The following EPHA5 variants were observed in gnomAD, a reference collection of about 807,000 sequenced individuals.
EPHA5 encodes ephrin type-A receptor 5.
A neutral mutation model predicts 105.0 loss-of-function variants in EPHA5; 60 were observed. That is an observed-to-expected ratio of 0.57 (90% confidence interval 0.46 to 0.71). The LOEUF (loss-of-function observed/expected upper bound fraction) is 0.71, where lower values mean the gene tolerates loss of function less well. Among genes scored for constraint, EPHA5 ranks in the 30% least tolerant of loss-of-function variants. The pLI is 0.00. For missense variants in EPHA5, 1,218 were observed against 1,274.7 expected (o/e 0.96, Z 0.68); for synonymous variants, 513 against 449.1 (o/e 1.14, Z -1.80).
At chr4:65,618,683 G>A (rs1242117664) in intron 2 of EPHA5, among the ~76,000 whole-genome samples, 1 of 152,088 alleles carries the variant, frequency 6.6e-6, no homozygotes, top group Non-Finnish European at 1.5e-5. Flanking sequence ...GCTGGTTTGT[G>A]TTTTTCTTAT....
chr4:65,656,142 A>C (rs1157485395), intron 1 of EPHA5, among the ~76,000 whole-genome samples: 1 of 151,276 alleles, frequency 6.6e-6, no homozygotes, highest in Non-Finnish European at 1.5e-5. Flanking sequence ...AAAAAAAAAA[A>C]AAAAAAAAAA....
intron 3 of EPHA5, among the ~76,000 whole-genome samples, chr4:65,523,540 A>G (rs1734957885): frequency 6.6e-6 from 1 of 152,038 alleles, no homozygotes; most frequent in Non-Finnish European, 1.5e-5. Context: ...TTGCCACTTG[A>G]TGAAAAACTT....
chr4:65,501,609 A>C (rs1732497104), intron 3 of EPHA5, among the ~76,000 whole-genome samples: 1 of 151,838 alleles, frequency 6.6e-6, no homozygotes, highest in Admixed American at 6.6e-5. Flanking sequence ...CGTAGGTGAC[A>C]CAAACAAATG....
chr4:65,467,099 C>CTT (rs1358934042), intron 5 of EPHA5, among the ~76,000 whole-genome samples: 2 of 152,184 alleles, frequency 1.3e-5, no homozygotes, highest in Non-Finnish European at 2.9e-5. Flanking sequence ...AAACCTGACT[C>CTT]TTTTATTTGT....
At chr4:65,657,898 C>CAAAAAAAAAAAAAAAAAAAAA (rs58539913) in intron 1 of EPHA5, among the ~76,000 whole-genome samples, 1 of 117,474 alleles carries the variant, frequency 8.5e-6, no homozygotes, top group Non-Finnish European at 1.8e-5. Flanking sequence ...TTGGTATATG[C>CAAAAAAAAAAAAAAAAAAAAA]AAAAAAAAAA....
chr4:65,355,420 A>G (rs1723205071), intron 11 of EPHA5, among the ~76,000 whole-genome samples: 1 of 151,644 alleles, frequency 6.6e-6, no homozygotes, highest in Non-Finnish European at 1.5e-5. Flanking sequence ...AATGCTTGCA[A>G]CTTAAACTTT....
chr4:65,598,277 A>T (rs1743376032), intron 3 of EPHA5, among the ~76,000 whole-genome samples: 1 of 152,148 alleles, frequency 6.6e-6, no homozygotes, highest in African/African-American at 2.4e-5. Flanking sequence ...TTGGGCTGAG[A>T]GTCTTAGAAC....
intron 16 of EPHA5, among the ~76,000 whole-genome samples, chr4:65,330,197 G>T (rs1274594751): frequency 4.6e-5 from 7 of 151,366 alleles, no homozygotes; most frequent in Admixed American, 3.3e-4. Flanking sequence ...TGAATTAAAA[G>T]ACAAATGTTT....
intron 3 of EPHA5, among the ~76,000 whole-genome samples, chr4:65,543,629 C>T (rs910046249): frequency 7.3e-5 from 11 of 151,654 alleles, no homozygotes; most frequent in Admixed American, 2.0e-4. Flanking sequence ...ATCAATATCA[C>T]GAAAATGGTC....
chr4:65,437,720 A>G (rs145418786), intron 5 of EPHA5, among the ~76,000 whole-genome samples: 59 of 152,098 alleles, frequency 3.9e-4, no homozygotes, highest in Non-Finnish European at 3.7e-4. Context: ...GCCAAAATGT[A>G]GTAAAAATCA....
chr4:65,398,375 G>T (rs1721463344), intron 8 of EPHA5, among the ~76,000 whole-genome samples: 1 of 152,148 alleles, frequency 6.6e-6, no homozygotes, highest in Admixed American at 6.5e-5. Context: ...TCTGAGAGTG[G>T]CTCAGCATGG....
chr4:65,446,548 A>G (rs1220111855), intron 5 of EPHA5, among the ~76,000 whole-genome samples: 2 of 152,194 alleles, frequency 1.3e-5, no homozygotes, highest in South Asian at 4.1e-4. Context: ...ATAGTGTACT[A>G]TGGGAACACA....
chr4:65,408,001 G>C (rs1722530559), intron 7 of EPHA5, among the ~76,000 whole-genome samples: 1 of 152,044 alleles, frequency 6.6e-6, no homozygotes, highest in Non-Finnish European at 1.5e-5. Flanking sequence ...CTGAGCTCAA[G>C]TGATTCGCCC....
At chr4:65,453,115 C>T (rs920922233) in intron 5 of EPHA5, among the ~76,000 whole-genome samples, 3 of 152,126 alleles carry the variant, frequency 2.0e-5, no homozygotes, top group African/African-American at 7.2e-5. Flanking sequence ...GTAATGTAAG[C>T]TGTTTTTCTC....
At chr4:65,443,244 A>T (rs561724251) in intron 5 of EPHA5, among the ~76,000 whole-genome samples, 1 of 152,112 alleles carries the variant, frequency 6.6e-6, no homozygotes, top group Admixed American at 6.6e-5. Context: ...GTGTATCCAT[A>T]TATAACTTTT....
chr4:65,609,476 A>T (rs1420754422), intron 2 of EPHA5, among the ~76,000 whole-genome samples: 1 of 152,152 alleles, frequency 6.6e-6, no homozygotes, highest in Non-Finnish European at 1.5e-5. Flanking sequence ...CTCAAATTCA[A>T]TTCATAATAC....
intron 16 of EPHA5, among the ~76,000 whole-genome samples, chr4:65,326,704 T>TA (rs1348116753): frequency 5.9e-5 from 9 of 151,368 alleles, no homozygotes; most frequent in Non-Finnish European, 3.0e-5. Flanking sequence ...AACAAAGTTT[T>TA]AAAACATGTG....
At chr4:65,427,430 C>T (rs1008018611) in intron 5 of EPHA5, among the ~76,000 whole-genome samples, 10 of 152,054 alleles carry the variant, frequency 6.6e-5, no homozygotes, top group Non-Finnish European at 1.2e-4. Context: ...ATCCACCTAC[C>T]TCGGCCACCC....
intron 11 of EPHA5, among the ~76,000 whole-genome samples, chr4:65,353,314 C>T (rs1380793403): frequency 1.4e-5 from 2 of 146,346 alleles, no homozygotes; most frequent in African/African-American, 2.5e-5. Context: ...ATTTTAAAAA[C>T]ATTTTTAATA....
Sources: allele counts gnomAD v4.1 joint callset (sites outside exome capture counted in the v4.1 genomes callset), GRCh38; gene constraint gnomAD v4.1.1; transcripts MANE v1.5; gene names NCBI Gene and HGNC (gene_info 2026-07-23, HGNC 2026-07-21).